Variants in SNTG1 observed in about 807,000 individuals in gnomAD.
SNTG1 encodes the protein gamma-1-syntrophin.
SNTG1 carries 39 observed loss-of-function variants against 74.7 expected under a neutral mutation model. The observed-to-expected ratio is 0.52, with a 90% confidence interval of 0.40 to 0.68. SNTG1 has a LOEUF of 0.68. Ranked by LOEUF, SNTG1 falls within the 30% of genes least tolerant of loss-of-function variation. SNTG1 has a pLI of 0.00. For synonymous variants in SNTG1, 254 were observed against 217.1 expected (o/e 1.17, Z -1.49); for missense variants, 685 against 609.5 (o/e 1.12, Z -1.30).
At position 50,318,395 on chromosome 8, in the gene SNTG1, G is replaced by T. The variant is rs574352685; in HGVS notation, c.-27-75817G>T. 2.6e-5 allele frequency among the ~76,000 whole-genome samples: 4 copies of T among 152,232 alleles called. 1 individual carries two copies. In the South Asian group the frequency reaches 8.3e-4, roughly 32 times the overall value. The stretch of plus-strand genomic sequence containing the variant: ...GAGAACACATACTGACATGCTCCTC[G>T]TGGCCTGAATCTTGTTTACCTCCCT... On this transcript the variant is annotated intron_variant, in intron 2 of 18. Coordinates refer to ENST00000642720, the MANE Select transcript of SNTG1 (RefSeq NM_018967.5).
intron 12 of SNTG1, among the ~76,000 whole-genome samples, chr8:50,577,022 T>C (rs2094580492): frequency 6.6e-6 from 1 of 152,220 alleles, no homozygotes; most frequent in South Asian, 2.1e-4. Context: ...GGCATCTTTG[T>C]CTTGTTCCTG....
At chr8:50,278,189 A>G (rs2088226668) in intron 2 of SNTG1, among the ~76,000 whole-genome samples, 1 of 152,148 alleles carries the variant, frequency 6.6e-6, no homozygotes, top group African/African-American at 2.4e-5. Flanking sequence ...AAAAGAAAAA[A>G]AAGGACTTAT....
intron 1 of SNTG1, among the ~76,000 whole-genome samples, chr8:49,938,765 T>A: frequency 6.6e-6 from 1 of 151,352 alleles, no homozygotes; most frequent in African/African-American, 2.4e-5. Flanking sequence ...AAATATAAAT[T>A]TAAACTAGAT....
At chr8:50,029,465 C>T (rs919800386) in intron 1 of SNTG1, among the ~76,000 whole-genome samples, 1 of 151,914 alleles carries the variant, frequency 6.6e-6, no homozygotes, top group Admixed American at 6.6e-5. Flanking sequence ...TGTATTTTTG[C>T]ATACATTAAC....
intron 2 of SNTG1, among the ~76,000 whole-genome samples, chr8:50,302,028 T>C (rs1025038047): frequency 6.6e-6 from 1 of 152,128 alleles, no homozygotes; most frequent in Non-Finnish European, 1.5e-5. Context: ...AGCTACTTTT[T>C]GTACTTTTGG....
At position 50,121,932 on chromosome 8, in the gene SNTG1, T is replaced by A. The variant is rs542676759; in HGVS notation, c.-102-50629T>A. The stretch of plus-strand genomic sequence containing the variant: ...TACACTTTAAATACAAATCTTAAGT[T>A]TTCTGGATAGGAAAATTTTTAGTAA... On this transcript the variant is annotated intron_variant, in intron 1 of 18. Transcript: ENST00000642720. 3.5e-5 allele frequency among the ~76,000 whole-genome samples: 5 copies of A among 142,222 alleles called. 1 individual carries two copies. The highest frequency in any genetic ancestry group is 7.8e-5 in the Non-Finnish European group (5 of 63,864). 93.3% of individuals were successfully genotyped at this position (142,222 alleles called of 152,430 possible).
At chr8:50,301,947 C>T (rs2089669654) in intron 2 of SNTG1, among the ~76,000 whole-genome samples, 1 of 152,048 alleles carries the variant, frequency 6.6e-6, no homozygotes, top group South Asian at 2.1e-4. Context: ...ACCTCCGCCT[C>T]CTGGCTTCAA....
At chr8:50,096,307 A>G (rs2079926186) in intron 1 of SNTG1, among the ~76,000 whole-genome samples, 1 of 152,200 alleles carries the variant, frequency 6.6e-6, no homozygotes, top group Admixed American at 6.5e-5. Context: ...TTTTTAAATT[A>G]CAATAGTTCA....
intron 13 of SNTG1, among the ~76,000 whole-genome samples, chr8:50,649,360 G>T (rs1006845048): frequency 3.3e-5 from 5 of 152,066 alleles, no homozygotes; most frequent in Admixed American, 3.3e-4. Context: ...TTAGCCGGAC[G>T]TTATGGTGCG....
At chr8:50,371,970 C>A (rs888183396) in intron 2 of SNTG1, among the ~76,000 whole-genome samples, 3 of 152,012 alleles carry the variant, frequency 2.0e-5, no homozygotes, top group African/African-American at 7.2e-5. Flanking sequence ...GTTTTTTAAT[C>A]CATTCAGCCA....
intron 8 of SNTG1, among the ~76,000 whole-genome samples, chr8:50,469,703 G>A (rs1214453478): frequency 6.6e-6 from 1 of 152,060 alleles, no homozygotes; most frequent in Non-Finnish European, 1.5e-5. Flanking sequence ...CTTATTGCAG[G>A]CATGGTGGCT....
At chr8:50,534,263 G>T (rs999092287) in intron 10 of SNTG1, among the ~76,000 whole-genome samples, 3 of 152,088 alleles carry the variant, frequency 2.0e-5, no homozygotes, top group Admixed American at 1.3e-4. Context: ...GTTTACTATA[G>T]AACTTAGGAA....
chr8:50,451,453 CTG>C (rs1405258586), intron 8 of SNTG1, among the ~76,000 whole-genome samples: 1 of 151,694 alleles, frequency 6.6e-6, no homozygotes, highest in East Asian at 1.9e-4. Context: ...TGTGTGTAGT[CTG>C]TGTGTGTGAG....
intron 17 of SNTG1, among the ~76,000 whole-genome samples, chr8:50,712,890 A>T (rs1356142028): frequency 2.0e-5 from 3 of 152,086 alleles, no homozygotes; most frequent in Non-Finnish European, 4.4e-5. Context: ...CATTTTCTTG[A>T]TCCAGTCTAT....
At chr8:50,629,847 A>C (rs1046597385) in intron 13 of SNTG1, among the ~76,000 whole-genome samples, 1 of 152,168 alleles carries the variant, frequency 6.6e-6, no homozygotes, top group Admixed American at 6.6e-5. Context: ...CTTATAACCC[A>C]AAACTATAGG....
In SNTG1 at chr8:50,582,106, G is replaced by A. The variant is rs140590819; in HGVS notation, c.811-8773G>A. 4.1e-4 allele frequency among the ~76,000 whole-genome samples: 63 copies of A among 152,248 alleles called. No homozygotes were observed. The East Asian group carries it at 4.3e-3, about 10-fold the overall frequency. ...CAGTATCTGCAGGTTTCACACTATAGACATTAAGACTCAAGAACTTAGAGG... is the reference window on the plus strand; with the variant it reads ...CAGTATCTGCAGGTTTCACACTATAAACATTAAGACTCAAGAACTTAGAGG... On this transcript the variant is annotated intron_variant, in intron 12 of 18. Transcript: ENST00000642720.
chr8:50,186,975 G>A (rs2083406925), intron 2 of SNTG1, among the ~76,000 whole-genome samples: 1 of 151,966 alleles, frequency 6.6e-6, no homozygotes, highest in South Asian at 2.1e-4. Context: ...TTTCCTGAAT[G>A]GTATTGCCTG....
intron 15 of SNTG1, among the ~76,000 whole-genome samples, chr8:50,695,040 A>T (rs920377969): frequency 1.3e-5 from 2 of 151,982 alleles, no homozygotes; most frequent in Non-Finnish European, 2.9e-5. Context: ...AAGAATGCCC[A>T]CTATCACCAC....
chr8:50,087,943 C>G (rs1252121868), intron 1 of SNTG1, among the ~76,000 whole-genome samples: 2 of 120,546 alleles, frequency 1.7e-5, no homozygotes, highest in Non-Finnish European at 3.4e-5. Context: ...CCCCCCACCC[C>G]ACCACAGTCC....
Sources: gnomAD v4.1 joint callset for allele counts (sites outside exome capture counted in the v4.1 genomes callset) on GRCh38, gnomAD v4.1.1 for gene constraint, MANE v1.5 for transcripts, NCBI Gene and HGNC (gene_info 2026-07-23, HGNC 2026-07-21) for gene names.